The following BLTP1 variants were observed in gnomAD, a reference collection of about 807,000 sequenced individuals.
The protein encoded by BLTP1 is fragile site-associated protein.
chr4:122,332,288 A>G, the BLTP1 span, among the ~76,000 whole-genome samples: 1 of 152,018 alleles, frequency 6.6e-6, no homozygotes, highest in Non-Finnish European at 1.5e-5. Flanking sequence ...AAAAGGTACT[A>G]TAAACAGTTA....
the BLTP1 span, chr4:122,200,284 A>G: frequency 1.0e-6 from 1 of 985,218 alleles, no homozygotes; most frequent in Non-Finnish European, 1.2e-6. Context: ...CCTTTGCAGA[A>G]ATGCCAAACT....
At chr4:122,226,852 G>A in the BLTP1 span, 1 of 1,562,042 alleles carries the variant, frequency 6.4e-7, no homozygotes, top group Non-Finnish European at 8.7e-7. Context: ...TAACAAATAT[G>A]TTAGCAATAT....
chr4:122,281,624 G>A, the BLTP1 span: 1 of 1,613,160 alleles, frequency 6.2e-7, no homozygotes, highest in East Asian at 2.2e-5. Context: ...TGAAACAAAT[G>A]AATTTCCTCA....
At chr4:122,161,110 A>AAGG in the BLTP1 span, 1 of 982,680 alleles carries the variant, frequency 1.0e-6, no homozygotes, top group Non-Finnish European at 1.2e-6. Context: ...GTGGAGTTCA[A>AAGG]AGGAGAGCTC....
chr4:122,238,077 CT>C, the BLTP1 span: 1 of 1,611,158 alleles, frequency 6.2e-7, no homozygotes, highest in South Asian at 1.1e-5. Flanking sequence ...CTTAACCCAC[CT>C]TTTGTTTGTT....
At chr4:122,236,447 G>A in the BLTP1 span, among the ~76,000 whole-genome samples, 1 of 152,022 alleles carries the variant, frequency 6.6e-6, no homozygotes, top group African/African-American at 2.4e-5. Context: ...ATTTACACTG[G>A]CATTTTCTCA....
chr4:122,194,012 G>A, the BLTP1 span, among the ~76,000 whole-genome samples: 52 of 151,976 alleles, frequency 3.4e-4, no homozygotes, highest in South Asian at 1.9e-3. Flanking sequence ...ACAGGCGCCC[G>A]CCACTACGCC....
At chr4:122,213,975 A>G in the BLTP1 span, among the ~76,000 whole-genome samples, 1 of 152,308 alleles carries the variant, frequency 6.6e-6, no homozygotes, top group East Asian at 1.9e-4. Context: ...AGTGGTAGCA[A>G]ATAACTGCAT....
the BLTP1 span, chr4:122,334,656 A>G: frequency 1.3e-5 from 14 of 1,072,050 alleles, no homozygotes; most frequent in Non-Finnish European, 1.9e-5. Flanking sequence ...AAGGACATAC[A>G]TTTGTCAATA....
the BLTP1 span, among the ~76,000 whole-genome samples, chr4:122,233,439 G>A: frequency 3.3e-5 from 5 of 152,136 alleles, no homozygotes; most frequent in Admixed American, 6.5e-5. Context: ...TTTGAACTCA[G>A]GTCTAGAGGA....
chr4:122,265,687 A>AT, the BLTP1 span, among the ~76,000 whole-genome samples: 3 of 151,750 alleles, frequency 2.0e-5, no homozygotes, highest in South Asian at 2.1e-4. Flanking sequence ...CCATTTAGAT[A>AT]TTTTTTTGTT....
chr4:122,161,090 G>T, the BLTP1 span: 15 of 963,746 alleles, frequency 1.6e-5, no homozygotes, highest in East Asian at 1.3e-3. Flanking sequence ...GATGAAGAGA[G>T]TGTATGTTGG....
the BLTP1 span, chr4:122,238,234 T>C: frequency 6.2e-7 from 1 of 1,613,902 alleles, no homozygotes. Flanking sequence ...ACAGTAGTTC[T>C]AGTGCTGCAC....
the BLTP1 span, chr4:122,224,447 T>C: frequency 6.4e-7 from 1 of 1,556,892 alleles, no homozygotes; most frequent in Non-Finnish European, 8.7e-7. Context: ...AACTAGAAAT[T>C]ATAATGTGAT....
the BLTP1 span, chr4:122,220,329 G>T: frequency 5.6e-6 from 9 of 1,611,798 alleles, no homozygotes; most frequent in Non-Finnish European, 6.8e-6. Flanking sequence ...TCATTTGACT[G>T]TAGCATGGAA....
chr4:122,321,713 C>T, the BLTP1 span, among the ~76,000 whole-genome samples: 3 of 151,882 alleles, frequency 2.0e-5, no homozygotes, highest in Admixed American at 2.0e-4. Flanking sequence ...TTCCTTCTCT[C>T]TATAAAACTT....
chr4:122,330,798 G>A, the BLTP1 span: 1 of 157,826 alleles, frequency 6.3e-6, no homozygotes, highest in South Asian at 2.0e-4. Context: ...GTGTTATGAA[G>A]CCTTTTCCCT....
chr4:122,192,767 T>C, the BLTP1 span, among the ~76,000 whole-genome samples: 1 of 152,102 alleles, frequency 6.6e-6, no homozygotes, highest in African/African-American at 2.4e-5. Context: ...CCAGTTTTAG[T>C]GGGGAAGAAA....
the BLTP1 span, among the ~76,000 whole-genome samples, chr4:122,320,410 C>G: frequency 6.6e-6 from 1 of 152,166 alleles, no homozygotes; most frequent in Non-Finnish European, 1.5e-5. Flanking sequence ...TTTCGACTCT[C>G]AAAGCACTAG....
Sources: gnomAD v4.1 joint callset for allele counts (sites outside exome capture counted in the v4.1 genomes callset) on GRCh38, gnomAD v4.1.1 for gene constraint, MANE v1.5 for transcripts, NCBI Gene and HGNC (gene_info 2026-07-23, HGNC 2026-07-21) for gene names.